The following GALNT17 variants were observed in gnomAD, a reference collection of about 807,000 sequenced individuals.
The protein encoded by GALNT17 is UDP-GalNAc:polypeptide N-acetylgalactosaminyltransferase-like 3.
In GALNT17, 29 loss-of-function variants were observed where a neutral mutation model predicts 63.7. That is an observed-to-expected ratio of 0.46 (90% CI 0.34 to 0.62). The LOEUF is 0.62. Ranked by LOEUF, GALNT17 falls within the 20% of genes least tolerant of loss-of-function variation. The pLI is 0.01. For synonymous variants in GALNT17, 305 were observed against 318.3 expected, an observed-to-expected ratio of 0.96 and a Z score of 0.45; for missense variants, 603 against 799.6, an observed-to-expected ratio of 0.75 and a Z score of 2.97.
chr7:71,143,919 G>A (rs1787965842), intron 1 of GALNT17, among the ~76,000 whole-genome samples: 1 of 151,830 alleles, frequency 6.6e-6, no homozygotes, highest in Admixed American at 6.6e-5. Context: ...TAGAGAGCTG[G>A]TGTTGCTGGC....
At chr7:71,291,803 T>C (rs1790984776) in intron 1 of GALNT17, among the ~76,000 whole-genome samples, 1 of 152,232 alleles carries the variant, frequency 6.6e-6, no homozygotes, top group South Asian at 2.1e-4. Context: ...TGTTATGAAC[T>C]TGATTTTCTC....
Position 71,158,734 on chromosome 7 carries a change from A to T in GALNT17, c.238+25694A>T, listed in dbSNP as rs192347488. Among the ~76,000 whole-genome samples, 128 of 151,258 alleles carry T rather than the reference A, an allele frequency of 8.5e-4. 3 individuals are homozygous for T. Among genetic ancestry groups the T allele is most frequent in the African/African-American group, 3.0e-3 (124 of 40,952 alleles). On this transcript the variant is annotated intron_variant, in intron 1 of 10. Transcript: ENST00000333538. ...TCCGACTACAGGCGCCTGCCACCAC[A>T]CCTGGCTAATTTTTGTATTTTTAGT...
chr7:71,332,677 TTTTG>T (rs137994477), intron 1 of GALNT17, among the ~76,000 whole-genome samples: 25,945 of 151,890 alleles, frequency 0.17, 2,432 homozygotes, highest in East Asian at 0.29. Flanking sequence ...TTTTGTTTGT[TTTTG>T]TTTGTTTGTT....
chr7:71,580,743 G>T (rs1443291553), intron 6 of GALNT17, among the ~76,000 whole-genome samples: 1 of 152,112 alleles, frequency 6.6e-6, no homozygotes, highest in East Asian at 1.9e-4. Context: ...GGGAAATAGT[G>T]TTGCTGTTCT....
chr7:71,603,449 G>A (rs530775925), intron 6 of GALNT17, among the ~76,000 whole-genome samples: 56 of 152,200 alleles, frequency 3.7e-4, no homozygotes, highest in African/African-American at 1.3e-3. Flanking sequence ...TATGCGAAGT[G>A]CATATACCAG....
chr7:71,597,535 T>TAAATA (rs1341821954), intron 6 of GALNT17, among the ~76,000 whole-genome samples: 3 of 151,464 alleles, frequency 2.0e-5, no homozygotes, highest in Non-Finnish European at 4.4e-5. Flanking sequence ...AATAAATAAA[T>TAAATA]AAGTAAATAA....
intron 1 of GALNT17, among the ~76,000 whole-genome samples, chr7:71,143,422 AAAAG>A (rs1004301115): frequency 5.9e-5 from 9 of 151,524 alleles, no homozygotes; most frequent in South Asian, 4.2e-4. Context: ...AAAAAAAAAA[AAAAG>A]AAAGAAAAGA....
At chr7:71,642,668 T>C (rs972469456) in intron 6 of GALNT17, among the ~76,000 whole-genome samples, 1 of 152,020 alleles carries the variant, frequency 6.6e-6, no homozygotes, top group Admixed American at 6.5e-5. Flanking sequence ...AAATCCCGTC[T>C]CTACTAAAAA....
At chr7:71,277,030 T>C (rs189553924) in intron 1 of GALNT17, among the ~76,000 whole-genome samples, 2 of 152,056 alleles carry the variant, frequency 1.3e-5, no homozygotes, top group East Asian at 3.9e-4. Flanking sequence ...AAATAAATTA[T>C]CCAGTCTTAG....
chr7:71,629,952 C>G (rs552321521), intron 6 of GALNT17, among the ~76,000 whole-genome samples: 122 of 150,314 alleles, frequency 8.1e-4, no homozygotes, highest in African/African-American at 2.7e-3. Context: ...ACCTCCCAAA[C>G]AGTTGAGCTG....
Position 71,486,334 on chromosome 7 carries a change from AAATAATAATAATAATAATAAT to A in GALNT17, c.962+65264_962+65284del, listed in dbSNP as rs68046826. 3.7e-3 allele frequency among the ~76,000 whole-genome samples: 500 copies of A among 133,340 alleles called. 3 individuals are homozygous for A. The highest frequency in any genetic ancestry group is 9.2e-3 in the African/African-American group (327 of 35,704). 87.5% of individuals were successfully genotyped at this position (133,340 alleles called of 152,430 possible). The stretch of plus-strand genomic sequence containing the variant: ...AGTGACAGGGCAAGAGCCTGTCTGA[AAATAATAATAATAATAATAAT>A]AATAATAATAATAATAATAATAATA... On this transcript the variant is annotated intron_variant, in intron 5 of 10. Transcript: ENST00000333538.
intron 1 of GALNT17, among the ~76,000 whole-genome samples, chr7:71,184,939 A>ACCTTCCTTC (rs1788809236): frequency 1.6e-5 from 1 of 64,182 alleles, no homozygotes; most frequent in East Asian, 6.2e-4. Context: ...TCCCTTCCTC[A>ACCTTCCTTC]CTTCCTTCCT....
chr7:71,358,219 A>T (rs2116216357), intron 2 of GALNT17, among the ~76,000 whole-genome samples: 1 of 152,252 alleles, frequency 6.6e-6, no homozygotes, highest in South Asian at 2.1e-4. Flanking sequence ...GCGGACACAA[A>T]ACCTCATCTC....
chr7:71,560,288 C>T (rs1325982961), intron 5 of GALNT17, among the ~76,000 whole-genome samples: 1 of 151,726 alleles, frequency 6.6e-6, no homozygotes, highest in African/African-American at 2.4e-5. Flanking sequence ...CTGTTGGTCT[C>T]AGTGATGTGC....
At chr7:71,711,571 C>T (rs976977326) in intron 10 of GALNT17, among the ~76,000 whole-genome samples, 2 of 151,350 alleles carry the variant, frequency 1.3e-5, no homozygotes, top group Admixed American at 1.3e-4. Flanking sequence ...CTCTCCCTTT[C>T]TCTCTTTCTC....
chr7:71,711,371 C>G (rs781596901), intron 10 of GALNT17, among the ~76,000 whole-genome samples: 16 of 151,754 alleles, frequency 1.1e-4, no homozygotes, highest in Non-Finnish European at 1.8e-4. Flanking sequence ...CTTCAGAGTC[C>G]CCAGAGGAGG....
chr7:71,346,024 A>G (rs557711348), intron 2 of GALNT17, among the ~76,000 whole-genome samples: 1 of 118,188 alleles, frequency 8.5e-6, no homozygotes, highest in South Asian at 2.7e-4. Flanking sequence ...TCTACTAAAA[A>G]TTAAAAAAAA....
chr7:71,409,987 A>G (rs770260737), intron 3 of GALNT17, among the ~76,000 whole-genome samples: 11 of 152,314 alleles, frequency 7.2e-5, no homozygotes, highest in Non-Finnish European at 1.0e-4. Context: ...GGTCCTTCAG[A>G]CCAGCTGATG....
intron 6 of GALNT17, among the ~76,000 whole-genome samples, chr7:71,586,224 A>C (rs1365414198): frequency 6.6e-6 from 1 of 152,148 alleles, no homozygotes; most frequent in Non-Finnish European, 1.5e-5. Context: ...TTATCACCAT[A>C]GATTAGTTGT....
Sources: gnomAD v4.1 joint callset for allele counts (sites outside exome capture counted in the v4.1 genomes callset) on GRCh38, gnomAD v4.1.1 for gene constraint, MANE v1.5 for transcripts, NCBI Gene and HGNC (gene_info 2026-07-23, HGNC 2026-07-21) for gene names.